Variants in CNOT10 observed in about 807,000 individuals in gnomAD.
CNOT10 encodes CCR4-NOT transcription complex subunit 10, also known as CCR4-NOT transcription complex, subunit 10.
In CNOT10, 30 loss-of-function variants were observed where a neutral mutation model predicts 94.6. That is an observed-to-expected ratio of 0.32 (90% CI 0.24 to 0.43). CNOT10 has a LOEUF of 0.43. Ranked by LOEUF, CNOT10 falls within the 20% of genes least tolerant of loss-of-function variation. The pLI, the probability that CNOT10 is intolerant of heterozygous loss-of-function variation, is 1.00. For synonymous variants in CNOT10, 289 were observed against 301.6 expected, an observed-to-expected ratio of 0.96 and a Z score of 0.43; for missense variants, 759 against 877.2, an observed-to-expected ratio of 0.87 and a Z score of 1.70.
chr3:32,726,255 C>A (rs929781148), intron 9 of CNOT10, among the ~76,000 whole-genome samples: 11 of 152,088 alleles, frequency 7.2e-5, no homozygotes, highest in African/African-American at 2.4e-4. Flanking sequence ...GTTATAGATT[C>A]TTTGCAGAGT....
intron 13 of CNOT10, among the ~76,000 whole-genome samples, chr3:32,756,853 A>G (rs1457484592): frequency 6.6e-6 from 1 of 152,152 alleles, no homozygotes; most frequent in African/African-American, 2.4e-5. Flanking sequence ...TCACGCCTAT[A>G]ATCCCAGCAC....
chr3:32,716,274 G>C lies in CNOT10; in HGVS notation c.623G>C (p.Gly208Ala), dbSNP rs771408169. ...KDGSNHKAES[G>A]ALIEAAKSKI... ...GGATCTAATCATAAAGCTGAAAGTGGAGCTCTAATAGAAGCTGCAAAATCA... is the reference window on the plus strand; with the variant it reads ...GGATCTAATCATAAAGCTGAAAGTGCAGCTCTAATAGAAGCTGCAAAATCA... Residue 208 changes from glycine (G) to alanine (A), a missense_variant, in exon 6 of 19, where the codon GGA (glycine) becomes GCA (alanine). Physicochemically the swap from Gly to Ala is moderately conservative, Grantham distance 60. This residue lies in a region of CNOT10 where 682 missense variants were observed against 799.4 expected (regional missense o/e 0.85). Transcript: ENST00000328834. 6.2e-7 allele frequency: 1 copy of C among 1,605,338 alleles called. No homozygotes were observed. The highest frequency in any genetic ancestry group is 1.1e-5 in the South Asian group (1 of 89,652).
intron 7 of CNOT10, among the ~76,000 whole-genome samples, chr3:32,719,051 C>A (rs1559490148): frequency 6.6e-6 from 1 of 151,976 alleles, no homozygotes. Context: ...GAGTTCAAGA[C>A]CAGCCTGACC....
intron 7 of CNOT10, among the ~76,000 whole-genome samples, chr3:32,719,169 A>C (rs962605737): frequency 4.6e-5 from 7 of 152,192 alleles, no homozygotes; most frequent in African/African-American, 1.7e-4. Context: ...GAATTGCTTG[A>C]ACCCGGGAGG....
At chr3:32,768,358 G>A (rs144602344) in intron 17 of CNOT10, among the ~76,000 whole-genome samples, 1 of 152,264 alleles carries the variant, frequency 6.6e-6, no homozygotes, top group African/African-American at 2.4e-5. Flanking sequence ...AAGGCGGGTG[G>A]ATCATCTGAG....
At position 32,769,910 on chromosome 3, in the gene CNOT10, A is replaced by G. The variant is rs751198864; in HGVS notation, c.2028A>G (p.Lys676=). 5.6e-6 allele frequency: 9 copies of G among 1,614,042 alleles called. No homozygotes were observed. In the South Asian group the frequency reaches 9.9e-5, roughly 18 times the overall value. The change falls in exon 18 of 19, where the codon AAA becomes AAG. Residue 676 remains lysine, a synonymous_variant. Transcript: ENST00000328834. ...AGGCGGCTTCAATGATCCATCCTAA[A>G]GAGGTGCCCCCTGAGGCCATCTTGC... ...LHQAASMIHP[K]EVPPEAILLA... is the part of the protein sequence containing the mutation.
chr3:32,754,718 C>T (rs1295893048), intron 13 of CNOT10, among the ~76,000 whole-genome samples: 51 of 147,394 alleles, frequency 3.5e-4, no homozygotes, highest in African/African-American at 1.0e-3. Context: ...GACGGGGTTT[C>T]GCCATGTTAG....
chr3:32,759,282 T>G (rs1163205565), intron 13 of CNOT10, among the ~76,000 whole-genome samples, 176 bp from the exon 14 acceptor site: 1 of 152,174 alleles, frequency 6.6e-6, no homozygotes, highest in East Asian at 1.9e-4. Context: ...AGCCAAACTG[T>G]GTTTCAGAAT....
In CNOT10 at chr3:32,764,708, C is replaced by T; in HGVS notation, c.1903C>T (p.Pro635Ser). 6.2e-7 allele frequency: 1 copy of T among 1,614,120 alleles called. No individual in the cohort carries two copies. The highest frequency in any genetic ancestry group is 8.5e-7 in the Non-Finnish European group (1 of 1,180,028). The change falls in exon 17 of 19, where the codon CCC becomes TCC. Residue 635 changes from proline to serine, a missense_variant. By Grantham distance (74) the Pro-to-Ser change is moderately conservative (BLOSUM62 -1). Transcript: ENST00000328834. ...SSGKRAPQCY[P>S]SSVNSARTVM... ...TGGTAAGCGGGCCCCTCAGTGCTACCCCAGTTCCGTCAACTCTGCCAGGAC... is the reference window on the plus strand; with the variant it reads ...TGGTAAGCGGGCCCCTCAGTGCTACTCCAGTTCCGTCAACTCTGCCAGGAC...
intron 1 of CNOT10, among the ~76,000 whole-genome samples, chr3:32,697,941 T>C (rs1697156258): frequency 6.6e-6 from 1 of 152,242 alleles, no homozygotes; most frequent in African/African-American, 2.4e-5. Flanking sequence ...TTATATTCTT[T>C]GTTAAAGTTT....
At chr3:32,732,816 TAATC>T (rs1699020526) in intron 10 of CNOT10, among the ~76,000 whole-genome samples, 1 of 152,192 alleles carries the variant, frequency 6.6e-6, no homozygotes, top group Non-Finnish European at 1.5e-5. Flanking sequence ...TAATACATCT[TAATC>T]AAATATCCTA....
At chr3:32,773,216 A>G (rs992686376) in intron 18 of CNOT10, among the ~76,000 whole-genome samples, 12 of 152,170 alleles carry the variant, frequency 7.9e-5, no homozygotes, top group African/African-American at 2.9e-4. Context: ...TACCTGGGCT[A>G]TACCTTAGAA....
At chr3:32,693,722 T>C (rs1575201253) in intron 1 of CNOT10, among the ~76,000 whole-genome samples, 1 of 151,882 alleles carries the variant, frequency 6.6e-6, no homozygotes, top group South Asian at 2.1e-4. Context: ...TTGTATTTTT[T>C]GTAGAGATGA....
intron 14 of CNOT10, among the ~76,000 whole-genome samples, 183 bp downstream of exon 14, chr3:32,759,754 A>G (rs1343929283): frequency 6.6e-6 from 1 of 152,186 alleles, no homozygotes; most frequent in East Asian, 1.9e-4. Context: ...CTTGTGCTGT[A>G]CTGAGCGTTA....
At chr3:32,687,170 C>T (rs1051864730) in intron 1 of CNOT10, among the ~76,000 whole-genome samples, 3 of 152,078 alleles carry the variant, frequency 2.0e-5, no homozygotes, top group African/African-American at 4.8e-5. Flanking sequence ...TCATCTCCAT[C>T]TCATCTGCTG....
Position 32,738,156 on chromosome 3 carries a change from G to A in CNOT10, c.1595+666G>A, listed in dbSNP as rs139868145. On this transcript the variant is annotated intron_variant, in intron 13 of 18. Coordinates refer to ENST00000328834, the MANE Select transcript of CNOT10 (RefSeq NM_015442.3). ...GTATTACTCATGGACACAAAGAGGG[G>A]AACAACGGGCGCTAAGGCCTCCTGG... is the stretch of plus-strand genomic sequence containing the variant. Among the ~76,000 whole-genome samples the A allele has an allele frequency of 9.6e-3, 1,457 of 152,232 alleles. 29 individuals carry two copies. The highest frequency in any genetic ancestry group is 0.033 in the African/African-American group (1,376 of 41,538).
At chr3:32,687,443 T>TTTTTTTTG (rs1459919443) in intron 1 of CNOT10, among the ~76,000 whole-genome samples, 4,092 of 59,630 alleles carry the variant, frequency 0.069, 818 homozygotes, top group African/African-American at 0.081. Flanking sequence ...CTCACGGTTT[T>TTTTTTTTG]TTTTTTTTGT....
chr3:32,722,891 C>A (rs1698488049), intron 8 of CNOT10, among the ~76,000 whole-genome samples: 1 of 151,860 alleles, frequency 6.6e-6, no homozygotes, highest in Non-Finnish European at 1.5e-5. Context: ...TCCCAAAGTG[C>A]TGGAATTGTA....
chr3:32,685,371 T>C lies in CNOT10; in HGVS notation c.-90T>C, dbSNP rs1444583386. Reference sequence around the variant, plus strand: ...CCCGGAGCCGGGGTAGGCACAGAGTTGTCCTCGGAGGTCCAGGACAGCGGC... The same window carrying C: ...CCCGGAGCCGGGGTAGGCACAGAGTCGTCCTCGGAGGTCCAGGACAGCGGC... On this transcript the variant is annotated 5_prime_UTR_variant, in exon 1 of 19. Transcript: ENST00000328834. The C allele has an allele frequency of 8.1e-5, 120 of 1,475,152 alleles. 1 individual carries two copies. The highest frequency in any genetic ancestry group is 1.0e-4 in the Non-Finnish European group (112 of 1,079,712). The allele number at this position is 1,475,152 out of a possible 1,614,324, so 91.4% of individuals were successfully genotyped here. A position where few individuals can be genotyped will look rare whatever the true frequency, so the allele number is the denominator to read the frequency against.
Sources: gnomAD v4.1 joint callset for allele counts (sites outside exome capture counted in the v4.1 genomes callset) on GRCh38, gnomAD v4.1.1 for gene constraint, gnomAD v4.1.1 regional missense constraint, MANE v1.5 for transcripts, NCBI Gene and HGNC (gene_info 2026-07-23, HGNC 2026-07-21) for gene names.